ATG4B: variants seen among roughly 807,000 people sequenced by gnomAD.
The protein encoded by ATG4B is cysteine protease ATG4B.
A neutral mutation model predicts 56.6 loss-of-function variants in ATG4B; 29 were observed. The observed-to-expected ratio is 0.51, with a 90% CI of 0.38 to 0.70. The LOEUF (loss-of-function observed/expected upper bound fraction) is 0.70, where lower values mean the gene tolerates loss of function less well. ATG4B is among the 30% of genes least tolerant of loss of function. ATG4B has a pLI of 0.00. For missense variants in ATG4B, 461 were observed against 515.5 expected, an observed-to-expected ratio of 0.89 and a Z score of 1.02; for synonymous variants, 224 against 206.1, an observed-to-expected ratio of 1.09 and a Z score of -0.74.
chr2:241,648,590 G>A (rs2068132516), intron 1 of ATG4B, among the ~76,000 whole-genome samples: 1 of 117,748 alleles, frequency 8.5e-6, no homozygotes, highest in South Asian at 3.3e-4. Context: ...ATGAGTCCCG[G>A]TCTCAAAAAA....
Position 241,656,802 on chromosome 2 carries a change from A to G in ATG4B, c.458+1459A>G, listed in dbSNP as rs138344891. 7.1e-3 allele frequency among the ~76,000 whole-genome samples: 1,082 copies of G among 152,254 alleles called. 5 individuals are homozygous for G. The highest frequency in any genetic ancestry group is 0.012 in the Non-Finnish European group (812 of 68,002). Reference sequence around the variant, plus strand: ...GTGGTCCTTCAGGTGCTCAAACCAAAATCTGGGATTGTTCTAGACCCCTCT... The same window carrying G: ...GTGGTCCTTCAGGTGCTCAAACCAAGATCTGGGATTGTTCTAGACCCCTCT... On this transcript the variant is annotated intron_variant, in intron 6 of 12. Coordinates refer to ENST00000404914, the MANE Select transcript of ATG4B (RefSeq NM_013325.5).
intron 1 of ATG4B, among the ~76,000 whole-genome samples, chr2:241,643,662 A>ATGTGTGTGTG (rs1559248008): frequency 6.2e-5 from 4 of 64,894 alleles, no homozygotes; most frequent in Non-Finnish European, 1.0e-4. Context: ...ATATATATAT[A>ATGTGTGTGTG]CGTGTGTGTG....
chr2:241,660,273 CTG>C lies in ATG4B; in HGVS notation c.538+1089_538+1090del, dbSNP rs1448734251. 2.6e-5 allele frequency among the ~76,000 whole-genome samples: 4 copies of C among 152,248 alleles called. No homozygotes were observed. In the South Asian group the frequency reaches 8.3e-4, roughly 31 times the overall value. On this transcript the variant is annotated intron_variant, in intron 7 of 12. Transcript: ENST00000404914. ...AGTGGGAGTGGGTCCTGCCCTGTGA[CTG>C]TGGGTGTGCCAGGTCACCACACAGG... is the stretch of plus-strand genomic sequence containing the variant.
rs1204436941 is a variant in ATG4B, at chr2:241,668,367, C to T, written c.811+146C>T. Reference sequence around the variant, plus strand: ...GGTTCATTTTCAGCCTGGTCGCGGGCGGCCTCCTGTGTGCCCCTTTCCCTG... The same window carrying T: ...GGTTCATTTTCAGCCTGGTCGCGGGTGGCCTCCTGTGTGCCCCTTTCCCTG... On this transcript the variant is annotated intron_variant, in intron 9 of 12. Coordinates refer to ENST00000404914, the MANE Select transcript of ATG4B (RefSeq NM_013325.5). The surrounding 1 kb of genome is among the most constrained non-coding windows in gnomAD (Gnocchi z 4.2). 20 of 1,352,384 alleles carry T rather than the reference C, an allele frequency of 1.5e-5. No homozygotes were observed. The highest frequency in any genetic ancestry group is 8.7e-5 in the African/African-American group (6 of 68,840). 83.8% of individuals were successfully genotyped at this position (1,352,384 alleles called of 1,614,324 possible).
intron 1 of ATG4B, 178 bp downstream of exon 1, chr2:241,637,902 G>C: frequency 1.8e-5 from 3 of 165,928 alleles, no homozygotes; most frequent in Non-Finnish European, 3.9e-5. Flanking sequence ...TGGGCGGTGG[G>C]AGCGGGAGGG....
Position 241,655,328 on chromosome 2 carries a change from T to A in ATG4B, c.443T>A (p.Val148Asp). Residue 148 changes from valine (V) to aspartate (D), a missense_variant, in exon 6 of 13, where the codon GTC becomes GAC. By Grantham distance (152) the Val-to-Asp change is radical (BLOSUM62 -3). Transcript: ENST00000404914. ...GGCCAGTGGTACGGGCCCAACACTG[T>A]CGCCCAGGTCCTGAAGTATGTACTG... is the stretch of plus-strand genomic sequence containing the variant. ...SIGQWYGPNT[V>D]AQVLKKLAVF... is the part of the protein sequence containing the mutation. 6.2e-7 allele frequency: 1 copy of A among 1,610,368 alleles called. No individual in the cohort carries two copies. Among genetic ancestry groups the A allele is most frequent in the Non-Finnish European group, 8.5e-7 (1 of 1,178,288 alleles).
At chr2:241,662,051 G>A (rs901845150) in intron 7 of ATG4B, among the ~76,000 whole-genome samples, 4 of 152,178 alleles carry the variant, frequency 2.6e-5, no homozygotes, top group Admixed American at 1.3e-4. Flanking sequence ...CCAAATAGAG[G>A]CAGCTGAGAG....
intron 1 of ATG4B, among the ~76,000 whole-genome samples, chr2:241,647,037 G>A (rs1388819258): frequency 6.6e-6 from 1 of 151,986 alleles, no homozygotes; most frequent in Non-Finnish European, 1.5e-5. Context: ...ACCCGCCTTG[G>A]CCTCCCCAAG....
At chr2:241,659,041 A>G (rs755769076) in intron 6 of ATG4B, 67 bp from the exon 7 acceptor site, 28 of 1,290,454 alleles carry the variant, frequency 2.2e-5, no homozygotes, top group Non-Finnish European at 2.7e-5. Flanking sequence ...TCGCGCAGCT[A>G]TAGCTGCAAA....
intron 3 of ATG4B, among the ~76,000 whole-genome samples, chr2:241,652,779 A>AT (rs954338951): frequency 2.0e-4 from 30 of 152,322 alleles, no homozygotes; most frequent in African/African-American, 7.0e-4. Flanking sequence ...CACAGGGTTT[A>AT]TTGTCCGTGC....
intron 1 of ATG4B, among the ~76,000 whole-genome samples, chr2:241,644,559 A>C (rs2068005319): frequency 6.6e-6 from 1 of 152,194 alleles, no homozygotes; most frequent in Non-Finnish European, 1.5e-5. Flanking sequence ...CAGACTCCAG[A>C]AACAAACCTC....
intron 1 of ATG4B, among the ~76,000 whole-genome samples, chr2:241,638,894 G>A (rs1247322199): frequency 6.6e-6 from 1 of 152,192 alleles, no homozygotes; most frequent in African/African-American, 2.4e-5. Context: ...TTTTACAACT[G>A]TTGTATTATA....
At chr2:241,652,340 C>T (rs908738943) in intron 3 of ATG4B, among the ~76,000 whole-genome samples, 1 of 152,214 alleles carries the variant, frequency 6.6e-6, no homozygotes, top group African/African-American at 2.4e-5. Context: ...CCATCTCCTT[C>T]ACAGCTACCC....
intron 4 of ATG4B, 114 bp from the exon 5 acceptor site, chr2:241,654,419 TAAAAAAAAAAAAA>T (rs201525288): frequency 2.5e-5 from 11 of 438,828 alleles, no homozygotes; most frequent in Non-Finnish European, 4.1e-5. Flanking sequence ...AGACTCTGTT[TAAAAAAAAAAAAA>T]AAAAAAAAAA....
Position 241,671,643 on chromosome 2 carries a change from G to A in ATG4B, c.1108+238G>A, listed in dbSNP as rs373761458. 9 of 1,452,334 alleles carry A rather than the reference G, an allele frequency of 6.2e-6. No individual in the cohort carries two copies. In the East Asian group the frequency reaches 1.3e-4, roughly 22 times the overall value. The allele number at this position is 1,452,334 out of a possible 1,614,324, so 90.0% of individuals were successfully genotyped here. ...CACCAGCGCTGCCTGCCCGGGCGCT[G>A]TGGAGCTGGGCGTGCTACCATGGAG... is the stretch of plus-strand genomic sequence containing the variant. On this transcript the variant is annotated intron_variant, in intron 12 of 12. Coordinates refer to ENST00000404914, the MANE Select transcript of ATG4B (RefSeq NM_013325.5).
intron 10 of ATG4B, 99 bp from the exon 11 acceptor site, chr2:241,670,627 G>T (rs1252104088): frequency 1.8e-6 from 2 of 1,106,682 alleles, no homozygotes; most frequent in East Asian, 2.6e-5. Flanking sequence ...GCATGCTGGG[G>T]GCCTCTGCTG....
chr2:241,660,382 G>A (rs2068555759), intron 7 of ATG4B, among the ~76,000 whole-genome samples: 1 of 152,160 alleles, frequency 6.6e-6, no homozygotes, highest in Non-Finnish European at 1.5e-5. Context: ...GGGGCATTGT[G>A]ACACAGCGGA....
At chr2:241,666,142 T>A (rs1297894901) in intron 7 of ATG4B, among the ~76,000 whole-genome samples, 3 of 152,356 alleles carry the variant, frequency 2.0e-5, no homozygotes, top group South Asian at 2.1e-4. Context: ...GAAACCTCGA[T>A]CTAGACGCCG....
chr2:241,668,149 T>A lies in ATG4B; in HGVS notation c.739T>A (p.Phe247Ile). The A allele has an allele frequency of 6.2e-7, 1 of 1,600,814 alleles. No homozygotes were observed. Among genetic ancestry groups the A allele is most frequent in the Non-Finnish European group, 8.5e-7 (1 of 1,174,310 alleles). ...EAYVETLKHC[F>I]MMPQSLGVIG... ...GTCCCCCGCCCCTCCACAGCACTGC[T>A]TCATGATGCCCCAGTCCCTGGGCGT... Residue 247 changes from phenylalanine to isoleucine, a missense_variant, in exon 9 of 13, where the codon TTC (phenylalanine) becomes ATC (isoleucine). Coordinates refer to ENST00000404914, the MANE Select transcript of ATG4B (RefSeq NM_013325.5). The surrounding 1 kb of genome is among the most constrained non-coding windows in gnomAD (Gnocchi z 4.2).
Sources: allele counts gnomAD v4.1 joint callset (sites outside exome capture counted in the v4.1 genomes callset), GRCh38; gene constraint gnomAD v4.1.1; non-coding constraint Gnocchi (gnomAD v3.1); transcripts MANE v1.5; gene names NCBI Gene and HGNC (gene_info 2026-07-23, HGNC 2026-07-21).